MAOB: variants seen among roughly 807,000 people sequenced by gnomAD.
The protein encoded by MAOB is monoamine oxidase B, also known as amine oxidase [flavin-containing] B.
A neutral mutation model predicts 41.9 loss-of-function variants in MAOB; 15 were observed. That is an observed-to-expected ratio of 0.36 (90% CI 0.24 to 0.55). The LOEUF (loss-of-function observed/expected upper bound fraction) is 0.55. Ranked by LOEUF, MAOB falls within the 20% of genes least tolerant of loss-of-function variation. The pLI, the probability that MAOB is intolerant of heterozygous loss-of-function variation, is 0.86. For missense variants in MAOB, 345 were observed against 398.7 expected (o/e 0.87, Z 1.15); for synonymous variants, 167 against 144.2 (o/e 1.16, Z -1.13).
chrX:43,840,830 G>A (rs932345843), intron 2 of MAOB, among the ~76,000 whole-genome samples: 4 of 110,206 alleles, frequency 3.6e-5, no homozygotes, highest in African/African-American at 1.3e-4. Context: ...ATGCCACCAG[G>A]GCCCTGGGTT....
At chrX:43,845,153 C>A (rs59573895) in intron 1 of MAOB, among the ~76,000 whole-genome samples, 272 of 111,016 alleles carry the variant, frequency 2.5e-3, no homozygotes, top group African/African-American at 8.7e-3. Context: ...TTTTTAAAAG[C>A]ACTCTTACAG....
intron 3 of MAOB, among the ~76,000 whole-genome samples, chrX:43,812,221 G>A (rs942520774): frequency 4.5e-5 from 5 of 111,986 alleles, no homozygotes; most frequent in Non-Finnish European, 3.8e-5. Context: ...TATATGTACC[G>A]CATTTCGTTT....
intron 1 of MAOB, among the ~76,000 whole-genome samples, chrX:43,871,694 G>A (rs1042714739): frequency 1.9e-4 from 20 of 107,958 alleles, no homozygotes; most frequent in Non-Finnish European, 3.3e-4. Context: ...CTGAATCAAC[G>A]AATGAACAAA....
At chrX:43,871,365 C>T (rs1002410075) in intron 1 of MAOB, among the ~76,000 whole-genome samples, 1 of 110,543 alleles carries the variant, frequency 9.0e-6, no homozygotes, top group African/African-American at 3.3e-5. Context: ...TAAGTTCCAA[C>T]TACTTAAAGC....
intron 3 of MAOB, among the ~76,000 whole-genome samples, chrX:43,822,198 A>C (rs990823382): frequency 8.9e-6 from 1 of 112,619 alleles, no homozygotes; most frequent in Non-Finnish European, 1.9e-5. Flanking sequence ...AGAAGTGTTC[A>C]CTTTCTTTAG....
rs147779560 is a variant in MAOB at position 43,803,637 on chromosome X, G to A, written c.280-233C>T. ...ACTGCCACACCAAGCACGGTAAAGA[G>A]GTTTCTCTCTGAAACTGGAGCCTTT... On this transcript the variant is annotated intron_variant, in intron 3 of 14. Coordinates refer to ENST00000378069, the MANE Select transcript of MAOB (RefSeq NM_000898.5). Among the ~76,000 whole-genome samples the A allele has an allele frequency of 3.4e-3, 383 of 111,847 alleles. 1 individual carries two copies. The highest frequency in any genetic ancestry group is 0.012 in the African/African-American group (356 of 30,801).
chrX:43,838,557 T>C (rs1190089862), intron 3 of MAOB, among the ~76,000 whole-genome samples: 4 of 112,484 alleles, frequency 3.6e-5, no homozygotes, highest in African/African-American at 1.3e-4. Flanking sequence ...TTATATAACA[T>C]AAAAGACTTC....
intron 6 of MAOB, 25 bp from the exon 7 acceptor site, chrX:43,795,913 G>A (rs768877516): frequency 6.7e-6 from 8 of 1,196,714 alleles, no homozygotes; most frequent in Non-Finnish European, 9.0e-6. Context: ...GGAGGTGAAA[G>A]AGAAACGCAG....
In MAOB at chrX:43,838,902, A is replaced by T; in HGVS notation, c.245T>A (p.Val82Glu). The T allele has an allele frequency of 1.7e-6, 2 of 1,204,920 alleles. No individual in the cohort carries two copies. The highest frequency in any genetic ancestry group is 2.2e-6 in the Non-Finnish European group (2 of 892,043). ...AKELGLETYK[V>E]NEVERLIHHV... The stretch of plus-strand genomic sequence containing the variant: ...GTGGATCAGACGCTCAACCTCATTC[A>T]CTTTGTAGGTCTCCAATCCTAGCTC... Residue 82 changes from valine (V) to glutamate (E), a missense_variant, in exon 3 of 15, where the codon GTG becomes GAG. Coordinates refer to ENST00000378069, the MANE Select transcript of MAOB (RefSeq NM_000898.5).
At chrX:43,779,848 G>T (rs757362330) in intron 10 of MAOB, among the ~76,000 whole-genome samples, 1 of 111,607 alleles carries the variant, frequency 9.0e-6, no homozygotes, top group South Asian at 3.8e-4. Flanking sequence ...ATTGGCACTG[G>T]TGAACACTAA....
At chrX:43,867,986 A>T (rs985103039) in intron 1 of MAOB, among the ~76,000 whole-genome samples, 12 of 112,191 alleles carry the variant, frequency 1.1e-4, no homozygotes, top group Non-Finnish European at 1.7e-4. Context: ...TCCCTAAGAA[A>T]AAGTATTCAA....
Position 43,857,104 on chromosome X carries a change from TATATATATATATAGAGAGAGAGAGAG to T in MAOB, c.47-13366_47-13341del, listed in dbSNP as rs1386975780. Among the ~76,000 whole-genome samples the T allele has an allele frequency of 7.1e-4, 17 of 24,056 alleles. No individual in the cohort carries two copies. In the Admixed American group the frequency reaches 8.2e-3, roughly 12 times the overall value. The allele number at this position is 24,056 out of a possible 115,157, so 20.9% of individuals were successfully genotyped here. A position where few individuals can be genotyped will look rare whatever the true frequency, so the allele number is the denominator to read the frequency against. On this transcript the variant is annotated intron_variant, in intron 1 of 14. Transcript: ENST00000378069. ...CTTTAAATATATATATATATATATA[TATATATATATATAGAGAGAGAGAGAG>T]AGAGAGAGAGAGAGAGAGAGAGAGA...
intron 5 of MAOB, among the ~76,000 whole-genome samples, chrX:43,798,405 A>G (rs960336029): frequency 1.8e-5 from 2 of 112,626 alleles, no homozygotes; most frequent in Non-Finnish European, 3.8e-5. Flanking sequence ...ACCAAACACA[A>G]AATTAGTCAC....
intron 3 of MAOB, among the ~76,000 whole-genome samples, chrX:43,823,510 A>C (rs974768812): frequency 5.4e-5 from 6 of 110,966 alleles, no homozygotes; most frequent in Non-Finnish European, 9.4e-5. Context: ...CAACTTTCCC[A>C]AGAAAATACA....
chrX:43,769,537 G>A, intron 12 of MAOB, 119 bp from the exon 13 acceptor site: 2 of 1,009,641 alleles, frequency 2.0e-6, no homozygotes, highest in African/African-American at 3.9e-5. Flanking sequence ...AAGGACATTG[G>A]CAATTTTGGA....
rs756309138 is a variant in MAOB at position 43,781,515 on chromosome X, C to T, written c.958G>A (p.Glu320Lys). 346 of 1,191,633 alleles carry T rather than the reference C, an allele frequency of 2.9e-4. No homozygotes were observed. The highest frequency in any genetic ancestry group is 4.6e-4 in the Middle Eastern group (2 of 4,318). The change falls in exon 9 of 15, where the codon GAA becomes AAA. Residue 320 changes from glutamate to lysine, a missense_variant. Physicochemically the swap from Glu to Lys is moderately conservative, Grantham distance 56. Transcript: ENST00000378069. ...AACGTGTAGGCAACTGGAGCTTCTT[C>T]TCCATCAATAATCATGGTTCCACAG... ...DYCGTMIIDG[E>K]EAPVAYTLDD...
At chrX:43,833,605 A>G (rs1227528119) in intron 3 of MAOB, among the ~76,000 whole-genome samples, 1 of 111,706 alleles carries the variant, frequency 9.0e-6, no homozygotes, top group Non-Finnish European at 1.9e-5. Flanking sequence ...AAAATTTTGC[A>G]CAAGATTTAA....
chrX:43,837,855 G>T, intron 3 of MAOB: 1 of 330,572 alleles, frequency 3.0e-6, no homozygotes, highest in Non-Finnish European at 5.9e-6. Flanking sequence ...ACTCCTGGAT[G>T]GGGCCCAGAT....
intron 8 of MAOB, among the ~76,000 whole-genome samples, chrX:43,790,707 G>A (rs765027362): frequency 6.4e-5 from 7 of 110,111 alleles, no homozygotes; most frequent in Admixed American, 1.9e-4. Context: ...TCAGCCTCCC[G>A]AGAAGCTGGT....
Sources: allele counts gnomAD v4.1 joint callset (sites outside exome capture counted in the v4.1 genomes callset), GRCh38; gene constraint gnomAD v4.1.1; transcripts MANE v1.5; gene names NCBI Gene and HGNC (gene_info 2026-07-23, HGNC 2026-07-21).